SORCS3: variants seen among roughly 807,000 people sequenced by gnomAD.
SORCS3 encodes VPS10 domain-containing receptor SorCS3.
Under a neutral mutation model 146.3 loss-of-function variants are expected in SORCS3, and 57 were observed. The ratio of observed to expected loss-of-function variants is 0.39; its 90% CI spans 0.31 to 0.49. The LOEUF is 0.49. SORCS3 is among the 20% of genes least tolerant of loss of function. The pLI, the probability that SORCS3 is intolerant of heterozygous loss-of-function variation, is 0.92. For missense variants in SORCS3, 1,341 were observed against 1,575.5 expected (o/e 0.85, Z 2.52); for synonymous variants, 653 against 618.5 (o/e 1.06, Z -0.83).
chr10:104,882,323 T>G (rs1332007546), intron 2 of SORCS3, among the ~76,000 whole-genome samples: 1 of 152,118 alleles, frequency 6.6e-6, no homozygotes, highest in African/African-American at 2.4e-5. Flanking sequence ...TGAAGCATGA[T>G]CAAAAGTGTG....
At chr10:105,112,170 G>A (rs1383024532) in intron 7 of SORCS3, among the ~76,000 whole-genome samples, 5 of 151,984 alleles carry the variant, frequency 3.3e-5, no homozygotes, top group Admixed American at 2.6e-4. Context: ...TTTGCCATAG[G>A]CCATTTTTTA....
chr10:105,147,654 T>A lies in SORCS3; in HGVS notation c.1340T>A (p.Phe447Tyr). 1 of 1,612,948 alleles carries A rather than the reference T, an allele frequency of 6.2e-7. No individual in the cohort carries two copies. The highest frequency in any genetic ancestry group is 8.5e-7 in the Non-Finnish European group (1 of 1,179,178). Residue 447 changes from phenylalanine to tyrosine, a missense_variant, in exon 9 of 27, where the codon TTT becomes TAT. Coordinates refer to ENST00000369701, the MANE Select transcript of SORCS3 (RefSeq NM_014978.3). ...HIISTDENQV[F>Y]AAVQEWNQND... is the part of the protein sequence containing the mutation. ...ATCAGTACAGACGAGAACCAAGTATTTGCTGCGGTCCAAGAATGGAACCAG... is the reference window on the plus strand; with the variant it reads ...ATCAGTACAGACGAGAACCAAGTATATGCTGCGGTCCAAGAATGGAACCAG...
rs150825654 is a variant in SORCS3 at position 104,710,723 on chromosome 10, T to A, written c.627+68769T>A. Among the ~76,000 whole-genome samples the A allele has an allele frequency of 5.7e-4, 87 of 152,072 alleles. 2 individuals are homozygous for A. In the East Asian group the frequency reaches 0.012, roughly 21 times the overall value. ...TGTCCTGAACTGAATATTCTGTAGT[T>A]GTCCATTCTTGTGGCTCATAGGAGC... On this transcript the variant is annotated intron_variant, in intron 1 of 26. Coordinates refer to ENST00000369701, the MANE Select transcript of SORCS3 (RefSeq NM_014978.3).
At chr10:104,930,624 A>G (rs1169617314) in intron 3 of SORCS3, among the ~76,000 whole-genome samples, 1 of 152,204 alleles carries the variant, frequency 6.6e-6, no homozygotes, top group Non-Finnish European at 1.5e-5. Flanking sequence ...AAAATGCCTT[A>G]GTGTTCAATA....
intron 2 of SORCS3, among the ~76,000 whole-genome samples, chr10:104,875,877 A>G (rs1464978220): frequency 6.6e-6 from 1 of 152,192 alleles, no homozygotes; most frequent in Non-Finnish European, 1.5e-5. Context: ...TCTAGACCCT[A>G]TAACATGAAG....
intron 3 of SORCS3, among the ~76,000 whole-genome samples, chr10:104,921,215 A>G (rs759055148): frequency 6.6e-6 from 1 of 152,240 alleles, no homozygotes; most frequent in Non-Finnish European, 1.5e-5. Flanking sequence ...GCAGAATGGC[A>G]AGTGCCAAGG....
At chr10:104,820,978 AGATT>A (rs1443818570) in intron 1 of SORCS3, among the ~76,000 whole-genome samples, 1 of 152,184 alleles carries the variant, frequency 6.6e-6, no homozygotes, top group Non-Finnish European at 1.5e-5. Flanking sequence ...AACAGAAGAA[AGATT>A]GATTGACTGA....
At chr10:105,147,864 A>G (rs1380712743) in intron 9 of SORCS3, 68 bp downstream of exon 9, 3 of 1,373,674 alleles carry the variant, frequency 2.2e-6, no homozygotes, top group Non-Finnish European at 3.0e-6. Context: ...TGGTATAAAC[A>G]CAAGCACTGG....
chr10:105,121,767 T>A (rs916773859), intron 7 of SORCS3, among the ~76,000 whole-genome samples: 1 of 152,170 alleles, frequency 6.6e-6, no homozygotes, highest in African/African-American at 2.4e-5. Flanking sequence ...CTGAGAGCTG[T>A]CCCTCAGATA....
At chr10:104,780,450 C>G (rs2133491529) in intron 1 of SORCS3, among the ~76,000 whole-genome samples, 1 of 152,312 alleles carries the variant, frequency 6.6e-6, no homozygotes, top group East Asian at 1.9e-4. Context: ...ACTCGGCCCC[C>G]TGGCCCAGAC....
chr10:105,143,501 G>A (rs1250783829), intron 8 of SORCS3, among the ~76,000 whole-genome samples: 4 of 152,006 alleles, frequency 2.6e-5, no homozygotes, highest in Admixed American at 2.6e-4. Context: ...TAAGCTTCTA[G>A]TCTGCACTTT....
chr10:105,029,690 TA>T (rs1432707652), intron 4 of SORCS3, among the ~76,000 whole-genome samples: 1 of 152,198 alleles, frequency 6.6e-6, no homozygotes, highest in Non-Finnish European at 1.5e-5. Flanking sequence ...TACTCTTCTT[TA>T]ATGAGTCCTA....
At chr10:105,228,122 C>T (rs545407225) in intron 20 of SORCS3, among the ~76,000 whole-genome samples, 1 of 151,566 alleles carries the variant, frequency 6.6e-6, no homozygotes, top group Non-Finnish European at 1.5e-5. Context: ...ATGTGAGGGC[C>T]TATTTCTATC....
At chr10:105,150,563 A>G (rs1389807121) in intron 9 of SORCS3, among the ~76,000 whole-genome samples, 1 of 152,172 alleles carries the variant, frequency 6.6e-6, no homozygotes, top group Non-Finnish European at 1.5e-5. Flanking sequence ...GGAATGAGCC[A>G]AGGACTGAAT....
intron 1 of SORCS3, among the ~76,000 whole-genome samples, chr10:104,647,463 G>A (rs2133236135): frequency 6.6e-6 from 1 of 152,276 alleles, no homozygotes; most frequent in Non-Finnish European, 1.5e-5. Flanking sequence ...CACACATTTT[G>A]TCATATTTAG....
chr10:105,067,077 A>G (rs790755), intron 5 of SORCS3, among the ~76,000 whole-genome samples: 100,159 of 152,020 alleles, frequency 0.66, 35,237 homozygotes, highest in East Asian at 0.85. Context: ...CTCTTGGTTC[A>G]CTATCTTCAA....
Position 104,845,167 on chromosome 10 carries a change from G to A in SORCS3, c.695+2308G>A, listed in dbSNP as rs141121356. Among the ~76,000 whole-genome samples, 625 of 152,184 alleles carry A rather than the reference G, an allele frequency of 4.1e-3. 1 individual carries two copies. The highest frequency in any genetic ancestry group is 0.017 in the South Asian group (84 of 4,816). On this transcript the variant is annotated intron_variant, in intron 2 of 26. Transcript: ENST00000369701. ...TGGTCATAGGTCACCTAATCATGAG[G>A]TCCTTCCCCAGGATTCCAAATTCCA... is the stretch of plus-strand genomic sequence containing the variant.
chr10:105,121,276 T>C (rs1452268), intron 7 of SORCS3, among the ~76,000 whole-genome samples: 73,649 of 152,078 alleles, frequency 0.48, 18,384 homozygotes, highest in Non-Finnish European at 0.54. Context: ...ATCAAATTTA[T>C]GTCCAGCATG....
intron 20 of SORCS3, among the ~76,000 whole-genome samples, chr10:105,244,585 CTA>C (rs1564794345): frequency 6.6e-6 from 1 of 151,952 alleles, no homozygotes; most frequent in East Asian, 1.9e-4. Flanking sequence ...TGAGAACTTC[CTA>C]TATGTTATGA....
Sources: allele counts gnomAD v4.1 joint callset (sites outside exome capture counted in the v4.1 genomes callset), GRCh38; gene constraint gnomAD v4.1.1; transcripts MANE v1.5; gene names NCBI Gene and HGNC (gene_info 2026-07-23, HGNC 2026-07-21).